Variants in PCDH11Y observed in about 807,000 individuals in gnomAD.
PCDH11Y encodes the protein protocadherin 11 Y-linked.
For missense variants in PCDH11Y, 12 were observed against 224.8 expected, an observed-to-expected ratio of 0.05 and a Z score of 6.05; for synonymous variants, 9 against 83.6, an observed-to-expected ratio of 0.11 and a Z score of 4.87.
chrY:5,650,099 A>G, intron 4 of PCDH11Y, among the ~76,000 whole-genome samples: 1 of 32,862 alleles, frequency 3.0e-5, no homozygotes, highest in East Asian at 7.9e-4. Context: ...TTGGTGGCCA[A>G]TATAGAATGC....
At chrY:5,654,828 A>C in intron 4 of PCDH11Y, among the ~76,000 whole-genome samples, 1 of 33,055 alleles carries the variant, frequency 3.0e-5, no homozygotes, top group Non-Finnish European at 7.4e-5. Context: ...ACAAACCCCT[A>C]TGACACAAAC....
At chrY:5,232,972 G>A (rs2052969586) in intron 2 of PCDH11Y, among the ~76,000 whole-genome samples, 1 of 32,206 alleles carries the variant, frequency 3.1e-5, no homozygotes, top group Non-Finnish European at 7.5e-5. Flanking sequence ...TAACAGGACA[G>A]CACTTATTTC....
intron 2 of PCDH11Y, among the ~76,000 whole-genome samples, chrY:5,142,723 GCCAATCATTA>G (rs2052852537): frequency 6.1e-5 from 2 of 32,790 alleles, no homozygotes; most frequent in Non-Finnish European, 1.5e-4. Context: ...TCTCAGGTGA[GCCAATCATTA>G]CCAATTGCCT....
chrY:5,629,756 T>A, intron 4 of PCDH11Y, among the ~76,000 whole-genome samples: 4 of 33,795 alleles, frequency 1.2e-4, no homozygotes, highest in African/African-American at 4.6e-4. Context: ...AAAAGAGGAC[T>A]ATGCTGCTGC....
At chrY:5,327,196 G>A (rs2053122792) in intron 2 of PCDH11Y, among the ~76,000 whole-genome samples, 1 of 33,287 alleles carries the variant, frequency 3.0e-5, no homozygotes, top group Admixed American at 2.7e-4. Context: ...GGGCCTAATC[G>A]GTGTCAGGGT....
At chrY:5,282,482 G>A (rs2124660904) in intron 2 of PCDH11Y, among the ~76,000 whole-genome samples, 2 of 34,138 alleles carry the variant, frequency 5.9e-5, no homozygotes, top group South Asian at 6.5e-4. Context: ...TTTTAATCAC[G>A]ATGATAATAG....
chrY:5,475,761 G>T, intron 2 of PCDH11Y, among the ~76,000 whole-genome samples: 1 of 30,926 alleles, frequency 3.2e-5, no homozygotes, highest in South Asian at 7.5e-4. Context: ...ACATCATAGA[G>T]TGTACTTACA....
At chrY:5,437,200 G>A in intron 2 of PCDH11Y, among the ~76,000 whole-genome samples, 4 of 31,789 alleles carry the variant, frequency 1.3e-4, no homozygotes, top group Middle Eastern at 0.014. Flanking sequence ...CAATTAACAA[G>A]CAAGTGCATT....
intron 4 of PCDH11Y, among the ~76,000 whole-genome samples, chrY:5,675,268 T>G: frequency 8.9e-5 from 3 of 33,575 alleles, no homozygotes; most frequent in Non-Finnish European, 1.5e-4. Context: ...CTCACTATCA[T>G]GAGAACAGCA....
At chrY:5,681,954 C>T in intron 4 of PCDH11Y, among the ~76,000 whole-genome samples, 1 of 31,422 alleles carries the variant, frequency 3.2e-5, no homozygotes, top group Non-Finnish European at 7.6e-5. Context: ...CACAATGCAA[C>T]CAATTTTTTT....
At chrY:5,342,983 A>G (rs2124669086) in intron 2 of PCDH11Y, among the ~76,000 whole-genome samples, 1 of 29,904 alleles carries the variant, frequency 3.3e-5, no homozygotes, top group African/African-American at 1.3e-4. Flanking sequence ...GAATATATAT[A>G]TATGTATTGA....
chrY:5,148,447 AT>A (rs2052860470), intron 2 of PCDH11Y, among the ~76,000 whole-genome samples: 2 of 32,792 alleles, frequency 6.1e-5, no homozygotes, highest in Admixed American at 2.8e-4. Flanking sequence ...GAAATGGACC[AT>A]TGAAGCTCAA....
intron 2 of PCDH11Y, among the ~76,000 whole-genome samples, chrY:5,454,547 C>T: frequency 4.7e-4 from 16 of 34,003 alleles, no homozygotes; most frequent in Non-Finnish European, 9.5e-4. Context: ...TCCATCCCTG[C>T]AGCAAGCTTC....
Position 5,493,640 on chromosome Y carries a change from A to G in PCDH11Y, c.3130-7417A>G, listed in dbSNP as rs1569346443. On this transcript the variant is annotated intron_variant, in intron 2 of 4. Coordinates refer to the PCDH11Y transcript ENST00000400457. ...ATAAAAGTTCTGAAAACCATAACAA[A>G]TTAGGATGGGAATTATAGCCTGGAA... is the stretch of plus-strand genomic sequence containing the variant. Among the ~76,000 whole-genome samples the G allele has an allele frequency of 1.8e-4, 6 of 33,316 alleles. No homozygotes were observed. In the East Asian group the frequency reaches 4.7e-3, roughly 26 times the overall value. 89.4% of individuals were successfully genotyped at this position (33,316 alleles called of 37,273 possible). A position where few individuals can be genotyped will look rare whatever the true frequency, so the allele number is the denominator to read the frequency against.
At chrY:5,328,005 G>A (rs2053124346) in intron 2 of PCDH11Y, among the ~76,000 whole-genome samples, 13 of 33,217 alleles carry the variant, frequency 3.9e-4, no homozygotes, top group African/African-American at 1.3e-3. Context: ...AAAGCTCGGC[G>A]TCTGTGATGG....
At chrY:5,476,505 AT>A (rs2053319555) in intron 2 of PCDH11Y, among the ~76,000 whole-genome samples, 1 of 25,285 alleles carries the variant, frequency 4.0e-5, no homozygotes, top group Non-Finnish European at 8.9e-5. Flanking sequence ...AGCTTTTTCT[AT>A]TTTTTTCTAT....
At chrY:5,226,851 A>G in intron 2 of PCDH11Y, among the ~76,000 whole-genome samples, 1 of 29,439 alleles carries the variant, frequency 3.4e-5, no homozygotes, top group South Asian at 7.9e-4. Flanking sequence ...ATAGCTTTGT[A>G]GTATTATTTG....
intron 2 of PCDH11Y, among the ~76,000 whole-genome samples, chrY:5,368,763 A>C (rs377275882): frequency 0.048 from 1,615 of 33,430 alleles, no homozygotes; most frequent in Middle Eastern, 0.37. Context: ...CCAGTCCGTG[A>C]AAGCAGCCAC....
At chrY:5,673,260 C>T in intron 4 of PCDH11Y, among the ~76,000 whole-genome samples, 1 of 28,792 alleles carries the variant, frequency 3.5e-5, no homozygotes, top group African/African-American at 1.4e-4. Flanking sequence ...ATAGAACAGT[C>T]GGTTTTAGAG....
Sources: allele counts gnomAD v4.1 joint callset (sites outside exome capture counted in the v4.1 genomes callset), GRCh38; gene constraint gnomAD v4.1.1; transcripts MANE v1.5; gene names NCBI Gene and HGNC (gene_info 2026-07-23, HGNC 2026-07-21).